XKR4: variants seen among roughly 807,000 people sequenced by gnomAD.
XKR4 encodes the protein XK related 4, also known as XK-related protein 4.
XKR4 carries 12 observed loss-of-function variants against 53.9 expected under a neutral mutation model. The ratio of observed to expected loss-of-function variants is 0.22; its 90% CI spans 0.14 to 0.36. The LOEUF (loss-of-function observed/expected upper bound fraction) is 0.36, where lower values mean the gene tolerates loss of function less well. Ranked by LOEUF, XKR4 falls within the 10% of genes least tolerant of loss-of-function variation. XKR4 has a pLI of 1.00. For synonymous variants in XKR4, 354 were observed against 362.4 expected (o/e 0.98, Z 0.26); for missense variants, 799 against 859.5 (o/e 0.93, Z 0.88).
chr8:55,177,187 C>T (rs940729035), intron 1 of XKR4, among the ~76,000 whole-genome samples: 1 of 152,006 alleles, frequency 6.6e-6, no homozygotes, highest in Non-Finnish European at 1.5e-5. Context: ...CAGGTGTGTG[C>T]CACCATACCT....
intron 1 of XKR4, among the ~76,000 whole-genome samples, chr8:55,304,902 C>T (rs1300439509): frequency 6.6e-6 from 1 of 151,758 alleles, no homozygotes; most frequent in Non-Finnish European, 1.5e-5. Context: ...ACTTTATTAC[C>T]AGAGGCAGAA....
intron 1 of XKR4, among the ~76,000 whole-genome samples, chr8:55,318,186 T>C (rs1024298282): frequency 6.6e-6 from 1 of 152,196 alleles, no homozygotes; most frequent in Non-Finnish European, 1.5e-5. Context: ...AGTATCTTCC[T>C]AAAAATTACC....
At chr8:55,128,605 T>C (rs1320042551) in intron 1 of XKR4, among the ~76,000 whole-genome samples, 1 of 152,150 alleles carries the variant, frequency 6.6e-6, no homozygotes, top group Non-Finnish European at 1.5e-5. Flanking sequence ...ACAAAGTAAG[T>C]GAAAAAGTAG....
intron 1 of XKR4, among the ~76,000 whole-genome samples, chr8:55,336,700 C>T (rs989912288): frequency 6.6e-6 from 1 of 151,354 alleles, no homozygotes; most frequent in Non-Finnish European, 1.5e-5. Flanking sequence ...TTAATGGTTG[C>T]CTGGGGGAGA....
At chr8:55,480,152 A>G (rs1806076550) in intron 2 of XKR4, among the ~76,000 whole-genome samples, 1 of 152,234 alleles carries the variant, frequency 6.6e-6, no homozygotes, top group Non-Finnish European at 1.5e-5. Context: ...AAAATCCTCA[A>G]TAAAATACTG....
intron 1 of XKR4, among the ~76,000 whole-genome samples, chr8:55,194,242 GAT>G (rs2129361361): frequency 6.6e-6 from 1 of 152,330 alleles, no homozygotes; most frequent in Non-Finnish European, 1.5e-5. Flanking sequence ...CCACTGAAAT[GAT>G]ATGTCTTTTA....
At chr8:55,299,733 T>C (rs745730509) in intron 1 of XKR4, among the ~76,000 whole-genome samples, 1 of 152,070 alleles carries the variant, frequency 6.6e-6, no homozygotes, top group South Asian at 2.1e-4. Context: ...TGGAATTCTG[T>C]TGTGTGCGCT....
chr8:55,507,508 C>T (rs1241849235), intron 2 of XKR4, among the ~76,000 whole-genome samples: 1 of 152,158 alleles, frequency 6.6e-6, no homozygotes, highest in Non-Finnish European at 1.5e-5. Flanking sequence ...CCCCTCCCCG[C>T]ACCCTACAAC....
intron 2 of XKR4, among the ~76,000 whole-genome samples, chr8:55,435,446 T>C (rs1042077110): frequency 2.6e-5 from 4 of 152,056 alleles, no homozygotes; most frequent in Non-Finnish European, 5.9e-5. Flanking sequence ...GTCCAGCATA[T>C]GACTGCAGTG....
At chr8:55,146,119 A>C (rs1458128991) in intron 1 of XKR4, among the ~76,000 whole-genome samples, 4 of 152,210 alleles carry the variant, frequency 2.6e-5, no homozygotes, top group African/African-American at 9.7e-5. Flanking sequence ...TATTTTTGCT[A>C]TACCTTTTAT....
intron 1 of XKR4, among the ~76,000 whole-genome samples, chr8:55,130,222 T>C (rs2129352958): frequency 7.2e-6 from 1 of 139,090 alleles, no homozygotes; most frequent in African/African-American, 2.5e-5. Flanking sequence ...AGGTAATATG[T>C]CAGGTGTTAT....
chr8:55,285,276 A>G (rs1818893535), intron 1 of XKR4, among the ~76,000 whole-genome samples: 1 of 152,170 alleles, frequency 6.6e-6, no homozygotes, highest in African/African-American at 2.4e-5. Flanking sequence ...CTACAAAATG[A>G]TCAGTTGTCA....
intron 2 of XKR4, among the ~76,000 whole-genome samples, chr8:55,414,558 G>A (rs1804818859): frequency 6.7e-6 from 1 of 149,402 alleles, no homozygotes; most frequent in Non-Finnish European, 1.5e-5. Context: ...TCTCTATGTT[G>A]AGATTATATA....
At chr8:55,163,018 T>C (rs1817007858) in intron 1 of XKR4, among the ~76,000 whole-genome samples, 2 of 152,240 alleles carry the variant, frequency 1.3e-5, no homozygotes, top group African/African-American at 2.4e-5. Flanking sequence ...AATGTCACCA[T>C]GCAGAGAAAG....
chr8:55,450,039 G>T, intron 2 of XKR4: 1 of 782,940 alleles, frequency 1.3e-6, no homozygotes, highest in South Asian at 1.5e-5. Context: ...GGGAGCTAGG[G>T]GTGCCACGTC....
At chr8:55,203,890 T>C (rs1817608956) in intron 1 of XKR4, among the ~76,000 whole-genome samples, 1 of 152,208 alleles carries the variant, frequency 6.6e-6, no homozygotes, top group Non-Finnish European at 1.5e-5. Context: ...ACTATGGAGA[T>C]ATGTGGCCTT....
At chr8:55,130,460 C>T (rs1353362842) in intron 1 of XKR4, among the ~76,000 whole-genome samples, 1 of 152,304 alleles carries the variant, frequency 6.6e-6, no homozygotes, top group African/African-American at 2.4e-5. Context: ...CAAGTGGCAT[C>T]AGAGGAGGAA....
At chr8:55,215,957 T>C (rs1310524704) in intron 1 of XKR4, among the ~76,000 whole-genome samples, 1 of 152,204 alleles carries the variant, frequency 6.6e-6, no homozygotes, top group Non-Finnish European at 1.5e-5. Flanking sequence ...ATTGTCTACA[T>C]AGAAAACTGC....
At chr8:55,384,559 ACT>A (rs1014158984) in intron 2 of XKR4, among the ~76,000 whole-genome samples, 20 of 151,918 alleles carry the variant, frequency 1.3e-4, no homozygotes, top group African/African-American at 4.6e-4. Context: ...CCAAGCAAGG[ACT>A]CTCCTTTTTT....
Sources: gnomAD v4.1 joint callset for allele counts (sites outside exome capture counted in the v4.1 genomes callset) on GRCh38, gnomAD v4.1.1 for gene constraint, MANE v1.5 for transcripts, NCBI Gene and HGNC (gene_info 2026-07-23, HGNC 2026-07-21) for gene names.